Variants in HYCC1 observed in about 807,000 individuals in gnomAD.
The protein encoded by HYCC1 is hyccin.
At chr7:22,929,780 G>C in the HYCC1 span, among the ~76,000 whole-genome samples, 2 of 152,208 alleles carry the variant, frequency 1.3e-5, no homozygotes, top group African/African-American at 4.8e-5. Context: ...GGAAGTCAGT[G>C]TGGCGATTCC....
At chr7:22,970,363 T>G in the HYCC1 span, among the ~76,000 whole-genome samples, 1 of 152,204 alleles carries the variant, frequency 6.6e-6, no homozygotes, top group South Asian at 2.1e-4. Context: ...AAATCTGAGT[T>G]GAAGAGCTCA....
the HYCC1 span, among the ~76,000 whole-genome samples, chr7:22,960,584 G>A: frequency 1.3e-5 from 2 of 151,848 alleles, no homozygotes; most frequent in East Asian, 3.9e-4. Flanking sequence ...AGGCTAAGAG[G>A]GAAATTCATG....
the HYCC1 span, among the ~76,000 whole-genome samples, chr7:22,908,605 T>C: frequency 6.6e-6 from 1 of 152,202 alleles, no homozygotes; most frequent in Non-Finnish European, 1.5e-5. Flanking sequence ...ATTCTCCATC[T>C]GACCCTGAAC....
chr7:22,940,774 A>G, the HYCC1 span: 1 of 151,878 alleles, frequency 6.6e-6, no homozygotes, highest in Non-Finnish European at 1.5e-5. Flanking sequence ...CTAGGGGCAT[A>G]TAATCTCTGT....
the HYCC1 span, chr7:22,944,640 A>C: frequency 6.6e-6 from 1 of 152,138 alleles, no homozygotes; most frequent in African/African-American, 2.4e-5. Context: ...GCAGACAAAC[A>C]ATTACATATT....
At chr7:23,007,505 A>G in the HYCC1 span, among the ~76,000 whole-genome samples, 1 of 152,178 alleles carries the variant, frequency 6.6e-6, no homozygotes, top group African/African-American at 2.4e-5. Flanking sequence ...AATTGTATTC[A>G]GTCCAAAAAG....
chr7:22,900,865 G>T, the HYCC1 span, among the ~76,000 whole-genome samples: 28 of 152,210 alleles, frequency 1.8e-4, no homozygotes, highest in African/African-American at 6.3e-4. Flanking sequence ...CTCTGTACAT[G>T]ATACCATCTT....
chr7:22,987,346 G>C, the HYCC1 span, among the ~76,000 whole-genome samples: 4 of 152,146 alleles, frequency 2.6e-5, no homozygotes, highest in Admixed American at 2.6e-4. Context: ...CCAGGAGTTC[G>C]AGACCAGCCT....
chr7:22,978,573 A>G, the HYCC1 span: 1 of 764,780 alleles, frequency 1.3e-6, no homozygotes, highest in African/African-American at 1.8e-5. Context: ...AAAATAGCTA[A>G]GTTGTAGGGA....
chr7:23,003,700 G>A, the HYCC1 span, among the ~76,000 whole-genome samples: 1 of 152,226 alleles, frequency 6.6e-6, no homozygotes, highest in African/African-American at 2.4e-5. Context: ...GGGAGTTAAT[G>A]TCTTAGAGGG....
the HYCC1 span, among the ~76,000 whole-genome samples, chr7:23,006,264 T>C: frequency 6.6e-6 from 1 of 152,154 alleles, no homozygotes; most frequent in African/African-American, 2.4e-5. Flanking sequence ...TTTCCCAATT[T>C]AAGCACTTTT....
At chr7:22,923,030 C>T in the HYCC1 span, among the ~76,000 whole-genome samples, 1 of 152,116 alleles carries the variant, frequency 6.6e-6, no homozygotes, top group Non-Finnish European at 1.5e-5. Flanking sequence ...AACAAGAAAA[C>T]CAAAGACTTA....
chr7:22,897,213 C>T, the HYCC1 span, among the ~76,000 whole-genome samples: 3 of 152,086 alleles, frequency 2.0e-5, no homozygotes, highest in African/African-American at 7.2e-5. Context: ...TGCTGGAGTG[C>T]GGTCTGTGTG....
chr7:22,956,443 A>G, the HYCC1 span, among the ~76,000 whole-genome samples: 1 of 151,342 alleles, frequency 6.6e-6, no homozygotes, highest in Non-Finnish European at 1.5e-5. Flanking sequence ...AATTTGAAAA[A>G]CACATTAAGT....
the HYCC1 span, among the ~76,000 whole-genome samples, chr7:22,915,008 A>T: frequency 1.3e-5 from 2 of 152,134 alleles, no homozygotes; most frequent in African/African-American, 2.4e-5. Flanking sequence ...ACCTCTCCCA[A>T]ATCAGTTGGC....
chr7:22,946,207 A>G, the HYCC1 span: 1 of 1,530,914 alleles, frequency 6.5e-7, no homozygotes, highest in South Asian at 1.1e-5. Context: ...TAAGTATTTT[A>G]AGCAATCTTT....
chr7:22,948,563 T>C, the HYCC1 span, among the ~76,000 whole-genome samples: 1 of 152,042 alleles, frequency 6.6e-6, no homozygotes, highest in African/African-American at 2.4e-5. Flanking sequence ...CACTGCTCTA[T>C]TCTGATTCTT....
the HYCC1 span, among the ~76,000 whole-genome samples, chr7:22,968,880 C>T: frequency 3.3e-5 from 5 of 151,884 alleles, no homozygotes; most frequent in Admixed American, 1.3e-4. Flanking sequence ...CAGCTACTCA[C>T]GAGGCTGAGG....
chr7:22,976,234 T>C, the HYCC1 span: 1 of 1,612,266 alleles, frequency 6.2e-7, no homozygotes, highest in Non-Finnish European at 8.5e-7. Flanking sequence ...ACACAGTGAC[T>C]GAAGAGAAAC....
Sources: gnomAD v4.1 joint callset for allele counts (sites outside exome capture counted in the v4.1 genomes callset) on GRCh38, gnomAD v4.1.1 for gene constraint, MANE v1.5 for transcripts, NCBI Gene and HGNC (gene_info 2026-07-23, HGNC 2026-07-21) for gene names.